Variants in DIP2B observed in about 807,000 individuals in gnomAD.
DIP2B encodes the protein disco-interacting protein 2 homolog B.
Under a neutral mutation model 198.0 loss-of-function variants are expected in DIP2B, and 76 were observed. The observed-to-expected ratio is 0.38, with a 90% CI of 0.32 to 0.46. The LOEUF (loss-of-function observed/expected upper bound fraction) is 0.46, where lower values mean the gene tolerates loss of function less well. DIP2B is among the 20% of genes least tolerant of loss of function. DIP2B has a pLI of 0.99. For synonymous variants in DIP2B, 701 were observed against 739.1 expected (o/e 0.95, Z 0.84); for missense variants, 1,559 against 1,978.4 (o/e 0.79, Z 4.02).
At chr12:50,718,195 G>T (rs1939769620) in intron 23 of DIP2B, among the ~76,000 whole-genome samples, 1 of 152,202 alleles carries the variant, frequency 6.6e-6, no homozygotes, top group South Asian at 2.1e-4. Flanking sequence ...ACCATTCCCG[G>T]CCATTATTCA....
chr12:50,619,045 C>G (rs771814633), intron 1 of DIP2B, among the ~76,000 whole-genome samples: 8 of 152,192 alleles, frequency 5.3e-5, no homozygotes, highest in Non-Finnish European at 1.0e-4. Context: ...CCCCCACCCT[C>G]TATCACCACC....
At chr12:50,608,749 T>C (rs1421539055) in intron 1 of DIP2B, among the ~76,000 whole-genome samples, 1 of 152,246 alleles carries the variant, frequency 6.6e-6, no homozygotes, top group Non-Finnish European at 1.5e-5. Flanking sequence ...TTTAAAAGTT[T>C]CTTTGCAATA....
chr12:50,556,706 C>G (rs1958474873), intron 1 of DIP2B, among the ~76,000 whole-genome samples: 2 of 151,940 alleles, frequency 1.3e-5, no homozygotes, highest in Admixed American at 6.6e-5. Flanking sequence ...CCACACCTGG[C>G]TAATTTTTTG....
At position 50,695,913 on chromosome 12, in the gene DIP2B, G is replaced by T; in HGVS notation, c.1879G>T (p.Asp627Tyr). 1 of 1,614,158 alleles carries T rather than the reference G, an allele frequency of 6.2e-7. No individual in the cohort carries two copies. Among genetic ancestry groups the T allele is most frequent in the Non-Finnish European group, 8.5e-7 (1 of 1,179,982 alleles). Reference protein sequence around the residue: ...WAMMAHRDQRDVSLSSLRMLI... With the variant: ...WAMMAHRDQRYVSLSSLRMLI... ...TATGATGGCACATCGGGACCAAAGA[G>T]ACGTGAGCTTGAGTTCCCTCCGAAT... The change falls in exon 16 of 38, where the codon GAC (aspartate) becomes TAC (tyrosine). Residue 627 changes from aspartate (D) to tyrosine (Y), a missense_variant. By Grantham distance (160) the Asp-to-Tyr change is radical. Coordinates refer to ENST00000301180, the MANE Select transcript of DIP2B (RefSeq NM_173602.3).
rs1414555535 is a variant in DIP2B, at chr12:50,549,788, A to C, written c.100+44548A>C. 2.7e-5 allele frequency among the ~76,000 whole-genome samples: 4 copies of C among 149,970 alleles called. No homozygotes were observed. The Admixed American group carries it at 2.7e-4, about 10-fold the overall frequency. On this transcript the variant is annotated intron_variant, in intron 1 of 37. Coordinates refer to ENST00000301180, the MANE Select transcript of DIP2B (RefSeq NM_173602.3). Reference sequence around the variant, plus strand: ...TGACATTGGTAGCCTGTTTAACTTCATTTTATCATGGCCACTTATAAATAG... The same window carrying C: ...TGACATTGGTAGCCTGTTTAACTTCCTTTTATCATGGCCACTTATAAATAG...
intron 1 of DIP2B, among the ~76,000 whole-genome samples, chr12:50,550,965 A>G (rs1958422508): frequency 6.6e-6 from 1 of 151,980 alleles, no homozygotes; most frequent in Non-Finnish European, 1.5e-5. Context: ...CTTTGCCTGT[A>G]GTACCCCCAG....
rs183195205 is a variant in DIP2B, at chr12:50,710,214, G to A, written c.2649+1652G>A. Among the ~76,000 whole-genome samples the A allele has an allele frequency of 7.2e-5, 11 of 152,306 alleles. No homozygotes were observed. In the East Asian group the frequency reaches 1.2e-3, roughly 16 times the overall value. On this transcript the variant is annotated intron_variant, in intron 22 of 37. Transcript: ENST00000301180. ...GAGCCCGGTAGCTATGCTAGCGAAC[G>A]TCATAGTAGGCTCAGTAAATATTTG...
intron 1 of DIP2B, among the ~76,000 whole-genome samples, chr12:50,575,218 A>G (rs113421482): frequency 6.6e-6 from 1 of 151,976 alleles, no homozygotes; most frequent in Non-Finnish European, 1.5e-5. Flanking sequence ...CCAGCTCTCT[A>G]TTTAGCAGTT....
At position 50,734,206 on chromosome 12, in the gene DIP2B, A is replaced by G; in HGVS notation, c.4043+10A>G. 1 of 1,613,894 alleles carries G rather than the reference A, an allele frequency of 6.2e-7. No homozygotes were observed. The stretch of plus-strand genomic sequence containing the variant: ...CACTAAGACATGACAGGTACAACAG[A>G]TTTATTAATGCTCCTTTCCTACTAG... On this transcript the variant is annotated intron_variant, in intron 33 of 37. Transcript: ENST00000301180.
chr12:50,617,759 A>G (rs562819578), intron 1 of DIP2B, among the ~76,000 whole-genome samples: 19 of 152,300 alleles, frequency 1.2e-4, no homozygotes, highest in Admixed American at 6.5e-4. Context: ...CAGTGAGCCA[A>G]GATTGCACCA....
At chr12:50,641,760 C>T (rs919437238) in intron 3 of DIP2B, among the ~76,000 whole-genome samples, 2 of 152,030 alleles carry the variant, frequency 1.3e-5, no homozygotes, top group African/African-American at 4.8e-5. Context: ...AGCAGAGGAA[C>T]GACTGGTAGA....
chr12:50,576,365 CA>C (rs1565830378), intron 1 of DIP2B, among the ~76,000 whole-genome samples: 1 of 51,632 alleles, frequency 1.9e-5, no homozygotes, highest in Admixed American at 1.8e-4. Flanking sequence ...CTGCACCCAG[CA>C]TTTTTTTTTT....
chr12:50,524,587 T>A (rs1364682634), intron 1 of DIP2B, among the ~76,000 whole-genome samples: 2 of 152,092 alleles, frequency 1.3e-5, no homozygotes, highest in African/African-American at 2.4e-5. Flanking sequence ...TTCCTTTTTT[T>A]AATTTATCTG....
intron 16 of DIP2B, 118 bp downstream of exon 16, chr12:50,696,085 A>T (rs1939306889): frequency 6.9e-7 from 1 of 1,450,992 alleles, no homozygotes; most frequent in African/African-American, 1.4e-5. Context: ...AAGATGTGTA[A>T]TTCAGTGGTT....
Position 50,735,094 on chromosome 12 carries a change from C to T in DIP2B, c.4065C>T (p.Gly1355=), listed in dbSNP as rs748534599. Residue 1355 remains glycine (G), a synonymous_variant, in exon 34 of 38, where the codon GGC becomes GGT. Coordinates refer to ENST00000301180, the MANE Select transcript of DIP2B (RefSeq NM_173602.3). ...GCAGGGTTCGTCTCGTGGAACGTGG[C>T]GCCCCTCAGAGTTTGCTTCTCTCAG... ...RHDRVRLVER[G]APQSLLLSES... 6 of 1,613,918 alleles carry T rather than the reference C, an allele frequency of 3.7e-6. No individual in the cohort carries two copies. The highest frequency in any genetic ancestry group is 1.7e-5 in the Admixed American group (1 of 59,984).
At chr12:50,630,101 C>T (rs985558256) in intron 2 of DIP2B, among the ~76,000 whole-genome samples, 1 of 151,888 alleles carries the variant, frequency 6.6e-6, no homozygotes, top group Non-Finnish European at 1.5e-5. Flanking sequence ...AGGCATGTGC[C>T]ACCACGCCCA....
At chr12:50,618,957 A>G (rs187484857) in intron 1 of DIP2B, among the ~76,000 whole-genome samples, 4 of 152,184 alleles carry the variant, frequency 2.6e-5, no homozygotes, top group Non-Finnish European at 5.9e-5. Context: ...CAAAGATACT[A>G]TTTTATTTGT....
chr12:50,560,429 G>A lies in DIP2B; in HGVS notation c.100+55189G>A, dbSNP rs139789753. On this transcript the variant is annotated intron_variant, in intron 1 of 37. Transcript: ENST00000301180. The stretch of plus-strand genomic sequence containing the variant: ...AAAAAAGCAAAAAACTTAGCTGGGC[G>A]TGGTGGCATGTACCTGTAATCCCAG... Among the ~76,000 whole-genome samples, 572 of 151,866 alleles carry A rather than the reference G, an allele frequency of 3.8e-3. 4 individuals are homozygous for A. Among genetic ancestry groups the A allele is most frequent in the African/African-American group, 0.013 (546 of 41,436 alleles).
chr12:50,686,460 T>G, intron 11 of DIP2B, 113 bp from the exon 12 acceptor site: 1 of 863,460 alleles, frequency 1.2e-6, no homozygotes, highest in Non-Finnish European at 1.8e-6. Flanking sequence ...AAGTATTTTA[T>G]TGATTATAAA....
Sources: allele counts gnomAD v4.1 joint callset (sites outside exome capture counted in the v4.1 genomes callset), GRCh38; gene constraint gnomAD v4.1.1; transcripts MANE v1.5; gene names NCBI Gene and HGNC (gene_info 2026-07-23, HGNC 2026-07-21).